The following DTNB variants were observed in gnomAD, a reference collection of about 807,000 sequenced individuals.
DTNB encodes the protein DTN-B.
DTNB carries 63 observed loss-of-function variants against 90.7 expected under a neutral mutation model. The ratio of observed to expected loss-of-function variants is 0.69; its 90% CI spans 0.57 to 0.86. The LOEUF (loss-of-function observed/expected upper bound fraction) is 0.86, where lower values mean the gene tolerates loss of function less well. DTNB is among the 40% of genes least tolerant of loss of function. The pLI is 0.00. For synonymous variants in DTNB, 277 were observed against 286.7 expected (o/e 0.97, Z 0.34); for missense variants, 744 against 807.1 (o/e 0.92, Z 0.95).
chr2:25,443,920 C>T (rs1015333181), intron 12 of DTNB, among the ~76,000 whole-genome samples: 2 of 152,102 alleles, frequency 1.3e-5, no homozygotes, highest in Non-Finnish European at 2.9e-5. Flanking sequence ...TTATAATGGG[C>T]CATGAGGGTA....
intron 7 of DTNB, among the ~76,000 whole-genome samples, chr2:25,579,106 T>C (rs1410054407): frequency 1.3e-5 from 2 of 152,214 alleles, no homozygotes; most frequent in African/African-American, 2.4e-5. Context: ...TGGATAATAA[T>C]ACATCTTGAC....
chr2:25,397,400 C>T (rs1384948550), intron 16 of DTNB, among the ~76,000 whole-genome samples: 1 of 151,120 alleles, frequency 6.6e-6, no homozygotes, highest in Non-Finnish European at 1.5e-5. Flanking sequence ...TCACAGAAGC[C>T]AGTCACAGAA....
chr2:25,545,678 G>C (rs1165050806), intron 8 of DTNB, among the ~76,000 whole-genome samples: 3 of 152,216 alleles, frequency 2.0e-5, no homozygotes. Context: ...CTGGAGTGCA[G>C]TGGTACGATC....
At chr2:25,438,656 T>C (rs952794788) in intron 12 of DTNB, among the ~76,000 whole-genome samples, 3 of 152,228 alleles carry the variant, frequency 2.0e-5, no homozygotes. Context: ...GGTATGGACA[T>C]ACTCTGCCCT....
chr2:25,655,367 G>A (rs2081868932), intron 1 of DTNB, among the ~76,000 whole-genome samples: 2 of 152,154 alleles, frequency 1.3e-5, no homozygotes, highest in South Asian at 4.1e-4. Flanking sequence ...ATTGCTTCTA[G>A]GCTAACAACC....
chr2:25,653,763 C>T (rs1406104570), intron 1 of DTNB, among the ~76,000 whole-genome samples: 7 of 152,046 alleles, frequency 4.6e-5, no homozygotes, highest in Non-Finnish European at 4.4e-5. Flanking sequence ...CTGCCTGCCT[C>T]AGCCTCCCAA....
chr2:25,572,225 T>C (rs555973078), intron 8 of DTNB, among the ~76,000 whole-genome samples: 1 of 152,240 alleles, frequency 6.6e-6, no homozygotes, highest in African/African-American at 2.4e-5. Flanking sequence ...CCCAGCACTT[T>C]GGGAGGCCGA....
At chr2:25,575,982 T>G (rs2060588021) in intron 8 of DTNB, among the ~76,000 whole-genome samples, 1 of 152,140 alleles carries the variant, frequency 6.6e-6, no homozygotes, top group Admixed American at 6.5e-5. Context: ...TCCGCCAAGA[T>G]ATTACTATTT....
At chr2:25,540,433 G>T (rs937923046) in intron 8 of DTNB, among the ~76,000 whole-genome samples, 1 of 151,940 alleles carries the variant, frequency 6.6e-6, no homozygotes, top group Non-Finnish European at 1.5e-5. Flanking sequence ...TATAAGTTGT[G>T]ATAAAACATA....
In DTNB at chr2:25,574,328, G is replaced by A. The variant is rs74978669; in HGVS notation, c.876+2510C>T. 5.1e-3 allele frequency among the ~76,000 whole-genome samples: 779 copies of A among 152,040 alleles called. 5 individuals carry two copies. Among genetic ancestry groups the A allele is most frequent in the Non-Finnish European group, 7.5e-3 (508 of 67,982 alleles). On this transcript the variant is annotated intron_variant, in intron 8 of 20. Transcript: ENST00000406818. The stretch of plus-strand genomic sequence containing the variant: ...AAAAATAAATTTTGAATGAAAGAAT[G>A]AACAGACAGGATAAATCTCAGATAT...
At chr2:25,605,752 T>C (rs1373495265) in intron 5 of DTNB, among the ~76,000 whole-genome samples, 2 of 152,166 alleles carry the variant, frequency 1.3e-5, no homozygotes, top group Admixed American at 6.5e-5. Context: ...ATCAGCATCA[T>C]TAAAAATTAG....
chr2:25,531,439 T>C (rs530671434), intron 9 of DTNB, 34 bp downstream of exon 9: 4 of 1,594,762 alleles, frequency 2.5e-6, no homozygotes, highest in Non-Finnish European at 3.4e-6. Flanking sequence ...CCCATTTCAG[T>C]GTGATCCACA....
chr2:25,509,321 T>C (rs2073360272), intron 9 of DTNB, among the ~76,000 whole-genome samples: 1 of 152,226 alleles, frequency 6.6e-6, no homozygotes, highest in Non-Finnish European at 1.5e-5. Context: ...ATTTTCAGAT[T>C]GAGAAGGTAC....
At chr2:25,489,915 G>C (rs998786564) in intron 9 of DTNB, among the ~76,000 whole-genome samples, 19 of 152,094 alleles carry the variant, frequency 1.2e-4, no homozygotes, top group Non-Finnish European at 2.6e-4. Flanking sequence ...ATTCCAATTA[G>C]ATAAATGGGT....
intron 9 of DTNB, among the ~76,000 whole-genome samples, chr2:25,501,292 G>A (rs2070627645): frequency 6.6e-6 from 1 of 151,822 alleles, no homozygotes; most frequent in Admixed American, 6.6e-5. Context: ...AGCTGCCACT[G>A]CAACCTCGAA....
intron 8 of DTNB, among the ~76,000 whole-genome samples, chr2:25,563,581 G>A (rs2058569335): frequency 1.3e-5 from 2 of 152,162 alleles, no homozygotes; most frequent in African/African-American, 4.8e-5. Context: ...TATAGTTGTA[G>A]CTCTTACATT....
At chr2:25,455,130 T>C (rs1385981475) in intron 11 of DTNB, among the ~76,000 whole-genome samples, 1 of 152,022 alleles carries the variant, frequency 6.6e-6, no homozygotes, top group Non-Finnish European at 1.5e-5. Context: ...CCCTCATAGG[T>C]TTATATATTT....
chr2:25,595,274 C>T (rs1332858703), intron 6 of DTNB: 1 of 152,144 alleles, frequency 6.6e-6, no homozygotes, highest in African/African-American at 2.4e-5. Context: ...TGATCAGTTT[C>T]TCCATTGTAA....
chr2:25,588,978 T>G (rs758588730), intron 6 of DTNB, among the ~76,000 whole-genome samples: 4 of 152,164 alleles, frequency 2.6e-5, no homozygotes, highest in Non-Finnish European at 5.9e-5. Flanking sequence ...ATAACAAATA[T>G]AGATACACCT....
Sources: allele counts gnomAD v4.1 joint callset (sites outside exome capture counted in the v4.1 genomes callset), GRCh38; gene constraint gnomAD v4.1.1; transcripts MANE v1.5; gene names NCBI Gene and HGNC (gene_info 2026-07-23, HGNC 2026-07-21).